Variants in SMIM45 observed in about 807,000 individuals in gnomAD.
The protein encoded by SMIM45 is small integral membrane protein 45.
At chr22:41,955,464 C>A in the SMIM45 span, among the ~76,000 whole-genome samples, 1 of 152,088 alleles carries the variant, frequency 6.6e-6, no homozygotes, top group Non-Finnish European at 1.5e-5. Context: ...TAGGCATGAG[C>A]CATTGGCCTG....
At chr22:41,947,116 C>G in the SMIM45 span, 1 of 1,605,448 alleles carries the variant, frequency 6.2e-7, no homozygotes, top group African/African-American at 1.3e-5. Flanking sequence ...CGGTGCGCGC[C>G]GATCTTTCAA....
chr22:41,947,001 C>G, the SMIM45 span: 1 of 1,611,838 alleles, frequency 6.2e-7, no homozygotes, highest in African/African-American at 1.3e-5. Context: ...GCGGGGGAAG[C>G]AGGGCCGCCT....
chr22:41,947,005 G>A, the SMIM45 span: 1 of 1,612,100 alleles, frequency 6.2e-7, no homozygotes, highest in South Asian at 1.1e-5. Flanking sequence ...GGGAAGCAGG[G>A]CCGCCTGCAC....
At chr22:41,951,330 C>T in the SMIM45 span, among the ~76,000 whole-genome samples, 1 of 152,244 alleles carries the variant, frequency 6.6e-6, no homozygotes, top group East Asian at 1.9e-4. Context: ...GGAAGGTGGA[C>T]CCCACCCCCA....
At chr22:41,958,454 A>G in the SMIM45 span, 1 of 444,326 alleles carries the variant, frequency 2.3e-6, no homozygotes. Flanking sequence ...GCAGAGGGAT[A>G]AGACCGTGGT....
the SMIM45 span, among the ~76,000 whole-genome samples, chr22:41,957,172 C>T: frequency 3.4e-5 from 5 of 147,136 alleles, no homozygotes; most frequent in Non-Finnish European, 7.4e-5. Context: ...GGCTGAGTCA[C>T]CACGTGGTCT....
chr22:41,958,389 G>A, the SMIM45 span: 1 of 456,654 alleles, frequency 2.2e-6, no homozygotes, highest in Non-Finnish European at 4.4e-6. Context: ...GGCCAGACCA[G>A]CCGCACCCCG....
chr22:41,948,972 G>C, the SMIM45 span, among the ~76,000 whole-genome samples: 281 of 152,288 alleles, frequency 1.8e-3, no homozygotes, highest in Admixed American at 4.7e-3. Flanking sequence ...GGCTGTGGTA[G>C]GAGAATCGCT....
chr22:41,958,302 G>T, the SMIM45 span: 1 of 456,644 alleles, frequency 2.2e-6, no homozygotes, highest in South Asian at 1.5e-5. Flanking sequence ...CAATGGCACC[G>T]GCCCTGCAAC....
the SMIM45 span, among the ~76,000 whole-genome samples, chr22:41,953,804 G>T: frequency 2.2e-5 from 3 of 136,708 alleles, no homozygotes; most frequent in Non-Finnish European, 1.5e-5. Flanking sequence ...AGGCTGGAGT[G>T]CAGTGGCGCC....
the SMIM45 span, chr22:41,957,939 C>G: frequency 6.5e-6 from 1 of 152,866 alleles, no homozygotes; most frequent in African/African-American, 2.4e-5. Flanking sequence ...CGCCCTCCCC[C>G]AGCCCGCCCC....
chr22:41,954,989 A>G, the SMIM45 span, among the ~76,000 whole-genome samples: 9 of 151,908 alleles, frequency 5.9e-5, no homozygotes, highest in African/African-American at 2.2e-4. Context: ...GGGCAACAGA[A>G]TGAGACTCTG....
At chr22:41,953,249 A>C in the SMIM45 span, among the ~76,000 whole-genome samples, 3 of 152,026 alleles carry the variant, frequency 2.0e-5, no homozygotes, top group African/African-American at 7.3e-5. Context: ...CTTCCCTCAC[A>C]GGCCCACCTG....
chr22:41,958,818 T>G, the SMIM45 span: 1 of 167,324 alleles, frequency 6.0e-6, no homozygotes, highest in Non-Finnish European at 1.3e-5. Flanking sequence ...CCTCCTCCTG[T>G]GTGGAGACTC....
the SMIM45 span, chr22:41,946,983 A>G: frequency 2.5e-6 from 4 of 1,608,958 alleles, no homozygotes; most frequent in Non-Finnish European, 3.4e-6. Flanking sequence ...GCCCAGGAGG[A>G]AAAACCGGCG....
At chr22:41,950,599 G>A in the SMIM45 span, among the ~76,000 whole-genome samples, 1 of 152,228 alleles carries the variant, frequency 6.6e-6, no homozygotes, top group South Asian at 2.1e-4. Context: ...TCGGGAGGCT[G>A]AGGTGGGAGG....
chr22:41,950,694 T>A, the SMIM45 span, among the ~76,000 whole-genome samples: 1 of 148,776 alleles, frequency 6.7e-6, no homozygotes, highest in Admixed American at 6.7e-5. Context: ...CAAGACCTTG[T>A]CTTAAAAAAC....
chr22:41,947,436 C>G, the SMIM45 span, among the ~76,000 whole-genome samples: 1 of 150,552 alleles, frequency 6.6e-6, no homozygotes, highest in Non-Finnish European at 1.5e-5. Context: ...CGCGCAATCT[C>G]GGCTCACTGC....
chr22:41,953,743 T>G, the SMIM45 span, among the ~76,000 whole-genome samples: 1 of 69,846 alleles, frequency 1.4e-5, no homozygotes, highest in Non-Finnish European at 2.2e-5. Context: ...GTGATCTGTT[T>G]TTTTTTTTTT....
Sources: allele counts gnomAD v4.1 joint callset (sites outside exome capture counted in the v4.1 genomes callset), GRCh38; gene constraint gnomAD v4.1.1; transcripts MANE v1.5; gene names NCBI Gene and HGNC (gene_info 2026-07-23, HGNC 2026-07-21).